The following AXIN1 variants were observed in gnomAD, a reference collection of about 807,000 sequenced individuals.
AXIN1 encodes axin-1.
AXIN1 carries 30 observed loss-of-function variants against 76.4 expected under a neutral mutation model. The ratio of observed to expected loss-of-function variants is 0.39; its 90% CI spans 0.29 to 0.53. The LOEUF is 0.53. Ranked by LOEUF, AXIN1 falls within the 20% of genes least tolerant of loss-of-function variation. The pLI is 0.66. For synonymous variants in AXIN1, 545 were observed against 501.4 expected, an observed-to-expected ratio of 1.09 and a Z score of -1.16; for missense variants, 1,140 against 1,198.8, an observed-to-expected ratio of 0.95 and a Z score of 0.72.
intron 5 of AXIN1, among the ~76,000 whole-genome samples, chr16:298,593 C>T (rs775761280): frequency 3.9e-5 from 6 of 152,108 alleles, no homozygotes; most frequent in Non-Finnish European, 7.4e-5. Flanking sequence ...CTGCAGCCTC[C>T]GCCTCCTAGG....
chr16:318,292 G>A (rs1042107709), intron 2 of AXIN1, among the ~76,000 whole-genome samples: 3 of 152,206 alleles, frequency 2.0e-5, no homozygotes, highest in Non-Finnish European at 2.9e-5. Context: ...CAGGAGAAAC[G>A]CAGGTTTCCC....
chr16:318,424 G>A (rs1245982300), intron 2 of AXIN1, among the ~76,000 whole-genome samples: 1 of 152,322 alleles, frequency 6.6e-6, no homozygotes, highest in East Asian at 1.9e-4. Context: ...AGGGCAGCCT[G>A]TTTACTATTG....
chr16:348,071 C>T (rs1431152389), intron 1 of AXIN1, among the ~76,000 whole-genome samples: 1 of 152,188 alleles, frequency 6.6e-6, no homozygotes, highest in African/African-American at 2.4e-5. Flanking sequence ...GAATTTGCTG[C>T]TACTACTGCT....
At position 304,310 on chromosome 16, in the gene AXIN1, C is replaced by T. The variant is rs530383371; in HGVS notation, c.1248G>A (p.Val416=). The change falls in exon 5 of 11, where the codon GTG becomes GTA. Residue 416 remains valine (V), a synonymous_variant. Transcript: ENST00000262320. ...EEKLEERLKR[V]RMEEEGEDGD... is the part of the protein sequence containing the mutation. ...ACCGACGCGGCCCACTCACCATGCG[C>T]ACGCGCTTCAGCCGCTCCTCCAGCT... 6.2e-7 allele frequency: 1 copy of T among 1,611,850 alleles called. No homozygotes were observed. The highest frequency in any genetic ancestry group is 1.3e-5 in the African/African-American group (1 of 75,052).
rs528662994 is a variant in AXIN1 at position 302,237 on chromosome 16, A to T, written c.1254+2067T>A. ...GCTAGGTTCCCGATATTGGAGGACA[A>T]ATTCCCTGAGTCCTTTCCTTGGGGG... On this transcript the variant is annotated intron_variant, in intron 5 of 10. Coordinates refer to ENST00000262320, the MANE Select transcript of AXIN1 (RefSeq NM_003502.4). Among the ~76,000 whole-genome samples the T allele has an allele frequency of 6.6e-5, 10 of 152,320 alleles. No homozygotes were observed. In the South Asian group the frequency reaches 1.9e-3, roughly 28 times the overall value.
In AXIN1 at chr16:293,125, G is replaced by A. The variant is rs1369431745; in HGVS notation, c.2186+363C>T. The A allele has an allele frequency of 5.6e-6, 2 of 358,594 alleles. No individual in the cohort carries two copies. Among genetic ancestry groups the A allele is most frequent in the Non-Finnish European group, 1.0e-5 (2 of 192,076 alleles). 22.2% of individuals were successfully genotyped at this position (358,594 alleles called of 1,614,324 possible). ...CAGCCGCCATGCCTCCAGGACCTCT[G>A]CCCTAAAGCCCAGGCTGCCCAGCAG... On this transcript the variant is annotated intron_variant, in intron 8 of 10. Coordinates refer to ENST00000262320, the MANE Select transcript of AXIN1 (RefSeq NM_003502.4). The surrounding 1 kb of genome is among the most constrained non-coding windows in gnomAD (Gnocchi z 4.6).
At chr16:339,407 A>C (rs1037917227) in intron 2 of AXIN1, among the ~76,000 whole-genome samples, 1 of 141,292 alleles carries the variant, frequency 7.1e-6, no homozygotes, top group East Asian at 2.1e-4. Context: ...GCTGCTGAGG[A>C]GGCTGAGGCA....
chr16:308,639 G>A lies in AXIN1; in HGVS notation c.1116+1334C>T, dbSNP rs2053090853. 2.6e-5 allele frequency among the ~76,000 whole-genome samples: 4 copies of A among 152,354 alleles called. No homozygotes were observed. In the South Asian group the frequency reaches 6.2e-4, roughly 24 times the overall value. ...CAGGACCTGTGACTTGAAAATCAGA[G>A]GCCGGTGGCTGTGCAGGTGCCCTCG... On this transcript the variant is annotated intron_variant, in intron 4 of 10. Transcript: ENST00000262320.
chr16:296,092 C>A (rs1311506131), intron 7 of AXIN1, among the ~76,000 whole-genome samples: 1 of 152,198 alleles, frequency 6.6e-6, no homozygotes, highest in Non-Finnish European at 1.5e-5. Context: ...ACACTGAGAC[C>A]CCCTCTACAA....
rs773888441 is a variant in AXIN1, at chr16:297,057, C to A, written c.1954G>T (p.Gly652Trp). 2 of 1,610,728 alleles carry A rather than the reference C, an allele frequency of 1.2e-6. No homozygotes were observed. Among genetic ancestry groups the A allele is most frequent in the Non-Finnish European group, 1.7e-6 (2 of 1,179,906 alleles). ...GCTGGCTGCGTGCGGGGTGCTCACC[C>A]GTGGCCGGTCCTGCGGTGCCTGCTG... ...EISRHRRTGH[G>W]SSGTRKPQPH... The change falls in exon 7 of 11, where the codon GGG becomes TGG. Residue 652 changes from glycine to tryptophan, a missense_variant and splice_region_variant. This residue lies in a region of AXIN1 where 429 missense variants were observed against 405.8 expected (regional missense o/e 1.06). Transcript: ENST00000262320.
At chr16:314,444 G>A (rs1441361863) in intron 3 of AXIN1, 99 bp downstream of exon 3, 2 of 1,557,118 alleles carry the variant, frequency 1.3e-6, no homozygotes, top group East Asian at 4.6e-5. Context: ...GGTGTCTGGG[G>A]CAGGACTTAC....
chr16:295,168 G>A (rs2052677565), intron 7 of AXIN1, among the ~76,000 whole-genome samples: 1 of 149,948 alleles, frequency 6.7e-6, no homozygotes, highest in African/African-American at 2.5e-5. Flanking sequence ...GCTCGACCTC[G>A]GATCTCGGCT....
chr16:327,971 G>C (rs915729501), intron 2 of AXIN1, among the ~76,000 whole-genome samples: 3 of 152,230 alleles, frequency 2.0e-5, no homozygotes, highest in Admixed American at 6.5e-5. Flanking sequence ...TCACCAGGCT[G>C]GGGACAGTGG....
At chr16:324,100 G>A (rs545037044) in intron 2 of AXIN1, among the ~76,000 whole-genome samples, 39 of 150,952 alleles carry the variant, frequency 2.6e-4, no homozygotes, top group African/African-American at 9.6e-4. Flanking sequence ...CAGCCCACAA[G>A]AGTCACATCT....
intron 2 of AXIN1, among the ~76,000 whole-genome samples, chr16:316,951 C>G (rs1182363894): frequency 6.6e-6 from 1 of 152,200 alleles, no homozygotes; most frequent in Non-Finnish European, 1.5e-5. Flanking sequence ...CACAGTGACA[C>G]AAGATAACCA....
At position 324,019 on chromosome 16, in the gene AXIN1, T is replaced by A. The variant is rs144877148; in HGVS notation, c.879-9336A>T. Among the ~76,000 whole-genome samples, 354 of 152,160 alleles carry A rather than the reference T, an allele frequency of 2.3e-3. 2 individuals carry two copies. Among genetic ancestry groups the A allele is most frequent in the African/African-American group, 8.0e-3 (333 of 41,514 alleles). ...GAGCCCCATAGTCCATGGGGAGACC[T>A]GTCCATGGGAAGCCCCGTAGCCCAC... On this transcript the variant is annotated intron_variant, in intron 2 of 10. Transcript: ENST00000262320.
At chr16:312,698 A>G (rs1485630004) in intron 3 of AXIN1, among the ~76,000 whole-genome samples, 1 of 152,176 alleles carries the variant, frequency 6.6e-6, no homozygotes, top group Non-Finnish European at 1.5e-5. Flanking sequence ...AACCAGGAGA[A>G]GCCACACACA....
intron 9 of AXIN1, chr16:290,098 C>T (rs560821208): frequency 1.2e-4 from 25 of 207,076 alleles, no homozygotes; most frequent in African/African-American, 4.9e-4. Flanking sequence ...GGGCTGGCAC[C>T]GTCTCCTGCC....
chr16:289,903 G>T (rs569494804), intron 9 of AXIN1: 139 of 528,226 alleles, frequency 2.6e-4, no homozygotes, highest in African/African-American at 2.4e-3. Context: ...CCACCTCTAG[G>T]ATGGCAGGGC....
Sources: gnomAD v4.1 joint callset for allele counts (sites outside exome capture counted in the v4.1 genomes callset) on GRCh38, gnomAD v4.1.1 for gene constraint, gnomAD v4.1.1 regional missense constraint, Gnocchi (gnomAD v3.1) non-coding constraint, MANE v1.5 for transcripts, NCBI Gene and HGNC (gene_info 2026-07-23, HGNC 2026-07-21) for gene names.